TRIM9: variants seen among roughly 807,000 people sequenced by gnomAD.
TRIM9 encodes E3 ubiquitin-protein ligase TRIM9.
Under a neutral mutation model 78.3 loss-of-function variants are expected in TRIM9, and 26 were observed. That is an observed-to-expected ratio of 0.33 (90% CI 0.24 to 0.46). The LOEUF (loss-of-function observed/expected upper bound fraction) is 0.46. Ranked by LOEUF, TRIM9 falls within the 20% of genes least tolerant of loss-of-function variation. The probability of loss-of-function intolerance (pLI) is 1.00; values close to 1 mark genes in which losing one functional copy is unlikely to be tolerated. For synonymous variants in TRIM9, 398 were observed against 416.5 expected (o/e 0.96, Z 0.54); for missense variants, 787 against 1,036.4 (o/e 0.76, Z 3.30).
In TRIM9 at chr14:50,977,339, G is replaced by C; in HGVS notation, c.2340C>G (p.Thr780=). Residue 780 remains threonine, a synonymous_variant, in exon 13 of 13, where the codon ACC becomes ACG. Coordinates refer to ENST00000684578, the MANE Select transcript of TRIM9 (RefSeq NM_001387360.1). ...AGTAGAAGTCGGGGACTGGGAGCCC[G>C]GTGTGCAGCGTGACCTGGGGAATGA... ...LNRNVQVTLH[T]GLPVPDFYSS... The C allele has an allele frequency of 6.5e-7, 1 of 1,549,072 alleles. No individual in the cohort carries two copies. The highest frequency in any genetic ancestry group is 8.7e-7 in the Non-Finnish European group (1 of 1,144,718).
At chr14:51,050,186 T>C (rs1204369861) in intron 1 of TRIM9, among the ~76,000 whole-genome samples, 1 of 152,234 alleles carries the variant, frequency 6.6e-6, no homozygotes, top group Non-Finnish European at 1.5e-5. Context: ...TATTTATCCC[T>C]TTCCAAATGT....
At chr14:51,015,500 C>CTTTTTT (rs1365183081) in intron 3 of TRIM9, among the ~76,000 whole-genome samples, 1 of 103,476 alleles carries the variant, frequency 9.7e-6, no homozygotes, top group African/African-American at 4.0e-5. Context: ...TCTTTCTTTA[C>CTTTTTT]TTTTCTTTTT....
chr14:51,002,125 G>GTT (rs1044517183), intron 5 of TRIM9, among the ~76,000 whole-genome samples: 1 of 129,622 alleles, frequency 7.7e-6, no homozygotes, highest in Non-Finnish European at 1.6e-5. Flanking sequence ...GTGTGTGTGT[G>GTT]TTTTTCTTTT....
intron 1 of TRIM9, among the ~76,000 whole-genome samples, chr14:51,076,914 C>A (rs2062832554): frequency 6.6e-6 from 1 of 152,184 alleles, no homozygotes; most frequent in East Asian, 1.9e-4. Flanking sequence ...TTTTCCTGAC[C>A]CTATACTGCC....
Position 50,977,296 on chromosome 14 carries a change from C to T in TRIM9, c.2383G>A (p.Ala795Thr). 6.5e-7 allele frequency: 1 copy of T among 1,537,280 alleles called. No individual in the cohort carries two copies. Among genetic ancestry groups the T allele is most frequent in the Non-Finnish European group, 8.8e-7 (1 of 1,139,362 alleles). Reference protein sequence around the residue: ...PDFYSSRASIA With the variant: ...PDFYSSRASIT ...GGCGCCTCCACGGCACATCCTTAGGCTATTGATGCTCTGCTGGAGTAGAAG... is the reference window on the plus strand; with the variant it reads ...GGCGCCTCCACGGCACATCCTTAGGTTATTGATGCTCTGCTGGAGTAGAAG... Residue 795 changes from alanine (A) to threonine (T), a missense_variant, in exon 13 of 13, where the codon GCC becomes ACC. Physicochemically the swap from Ala to Thr is moderately conservative, Grantham distance 58 (BLOSUM62 0). Around this residue, in one of 3 missense-constraint regions of TRIM9, gnomAD observed 421 missense variants for 514.3 expected, o/e 0.82. Coordinates refer to ENST00000684578, the MANE Select transcript of TRIM9 (RefSeq NM_001387360.1).
chr14:51,093,994 C>G, intron 1 of TRIM9, 124 bp downstream of exon 1: 1 of 937,046 alleles, frequency 1.1e-6, no homozygotes, highest in Non-Finnish European at 1.6e-6. Context: ...GGGAGGTAAA[C>G]ATCGAAGGCA....
rs117464517 is a variant in TRIM9 at position 51,064,801 on chromosome 14, C to T, written c.822+29317G>A. 3.6e-4 allele frequency among the ~76,000 whole-genome samples: 55 copies of T among 152,012 alleles called. 1 individual carries two copies. In the East Asian group the frequency reaches 0.01, roughly 28 times the overall value. On this transcript the variant is annotated intron_variant, in intron 1 of 12. Transcript: ENST00000684578. ...TTCAATATAATGAACCAAATGGAGA[C>T]AAGAAGCAATATAACTTCTGAATAT...
chr14:51,024,350 C>G (rs2058033717), intron 2 of TRIM9, among the ~76,000 whole-genome samples: 1 of 151,900 alleles, frequency 6.6e-6, no homozygotes, highest in South Asian at 2.1e-4. Flanking sequence ...GTTAGGGAAT[C>G]AAAAGTTTAA....
rs201128574 is a variant in TRIM9, at chr14:50,977,324, G to A, written c.2355C>T (p.Pro785=). ...TTGATGCTCTGCTGGAGTAGAAGTC[G>A]GGGACTGGGAGCCCGGTGTGCAGCG... ...QVTLHTGLPV[P]DFYSSRASIA is the part of the protein sequence containing the mutation. The change falls in exon 13 of 13, where the codon CCC becomes CCT. Residue 785 remains proline, a synonymous_variant. Coordinates refer to ENST00000684578, the MANE Select transcript of TRIM9 (RefSeq NM_001387360.1). 19 of 1,548,448 alleles carry A rather than the reference G, an allele frequency of 1.2e-5. No individual in the cohort carries two copies. Among genetic ancestry groups the A allele is most frequent in the Admixed American group, 3.8e-5 (2 of 53,118 alleles).
rs764833081 is a variant in TRIM9, at chr14:51,094,231, G to A, written c.709C>T (p.His237Tyr). The change falls in exon 1 of 13, where the codon CAC (histidine) becomes TAC (tyrosine). Residue 237 changes from histidine (H) to tyrosine (Y), a missense_variant. His to Tyr is a moderately conservative substitution (Grantham distance 83, BLOSUM62 2). This residue lies in a region of TRIM9 where 352 missense variants were observed against 472.3 expected (regional missense o/e 0.75). Coordinates refer to ENST00000684578, the MANE Select transcript of TRIM9 (RefSeq NM_001387360.1). ...STCTDHELEN[H>Y]SMYCVQCKMP... Reference sequence around the variant, plus strand: ...TTGCATTGCACGCAGTACATGCTGTGGTTCTCCAGCTCGTGGTCTGTGCAG... The same window carrying A: ...TTGCATTGCACGCAGTACATGCTGTAGTTCTCCAGCTCGTGGTCTGTGCAG... 2 of 1,614,244 alleles carry A rather than the reference G, an allele frequency of 1.2e-6. No individual in the cohort carries two copies. Among genetic ancestry groups the A allele is most frequent in the Middle Eastern group, 1.6e-4 (1 of 6,062 alleles).
chr14:50,984,169 C>T (rs2052393096), intron 8 of TRIM9, among the ~76,000 whole-genome samples: 1 of 152,128 alleles, frequency 6.6e-6, no homozygotes, highest in South Asian at 2.1e-4. Flanking sequence ...AAGTGTGTGA[C>T]CTACAATTTC....
At chr14:51,071,859 C>T (rs2062299743) in intron 1 of TRIM9, among the ~76,000 whole-genome samples, 2 of 152,046 alleles carry the variant, frequency 1.3e-5, no homozygotes, top group African/African-American at 4.8e-5. Context: ...GTATTTGGGT[C>T]ACACCTGGAG....
intron 1 of TRIM9, among the ~76,000 whole-genome samples, chr14:51,028,816 C>T (rs1290803140): frequency 6.6e-6 from 1 of 152,102 alleles, no homozygotes; most frequent in Non-Finnish European, 1.5e-5. Context: ...CTGAGAATCA[C>T]CGAGGTCTCC....
At chr14:50,981,738 G>C (rs1157660621) in intron 11 of TRIM9, 62 bp downstream of exon 11, 2 of 1,594,588 alleles carry the variant, frequency 1.3e-6, no homozygotes, top group Non-Finnish European at 1.7e-6. Flanking sequence ...TTTTGAACTG[G>C]GGCTCTCACT....
chr14:50,985,696 T>C (rs887488664), intron 8 of TRIM9, among the ~76,000 whole-genome samples: 3 of 152,200 alleles, frequency 2.0e-5, no homozygotes, highest in African/African-American at 7.2e-5. Flanking sequence ...TACCAGCTTG[T>C]GCGAAAAGAA....
rs1452101392 is a variant in TRIM9, at chr14:50,998,928, T to C, written c.1465-740A>G. On this transcript the variant is annotated intron_variant, in intron 6 of 12. Transcript: ENST00000684578. ...CAAAGCACAGCCTTAATATGACAAC[T>C]CTCTGGTAGGATACTAAGAAGACCA... is the stretch of plus-strand genomic sequence containing the variant. Among the ~76,000 whole-genome samples the C allele has an allele frequency of 2.0e-5, 3 of 152,200 alleles. No homozygotes were observed. In the East Asian group the frequency reaches 5.8e-4, roughly 29 times the overall value.
rs527389071 is a variant in TRIM9, at chr14:51,018,663, C to T, written c.1041+4172G>A. On this transcript the variant is annotated intron_variant, in intron 3 of 12. Coordinates refer to ENST00000684578, the MANE Select transcript of TRIM9 (RefSeq NM_001387360.1). ...TCTACAGATAGCTACAATGGGCACA[C>T]GGAGGCCCTCAGTAAATATTAATAT... 7.5e-4 allele frequency among the ~76,000 whole-genome samples: 114 copies of T among 152,260 alleles called. 1 individual carries two copies. Among genetic ancestry groups the T allele is most frequent in the Non-Finnish European group, 2.6e-4 (18 of 68,022 alleles).
intron 6 of TRIM9, 148 bp downstream of exon 6, chr14:51,000,535 A>G: frequency 9.6e-7 from 1 of 1,040,418 alleles, no homozygotes; most frequent in Non-Finnish European, 1.4e-6. Context: ...AGAGGGAGAA[A>G]GCAGGCTTCA....
chr14:51,087,136 A>G (rs1238393239), intron 1 of TRIM9, among the ~76,000 whole-genome samples: 2 of 151,904 alleles, frequency 1.3e-5, no homozygotes, highest in Admixed American at 6.6e-5. Context: ...ACTCATCTCA[A>G]CTGGGTGTGG....
Sources: gnomAD v4.1 joint callset for allele counts (sites outside exome capture counted in the v4.1 genomes callset) on GRCh38, gnomAD v4.1.1 for gene constraint, gnomAD v4.1.1 regional missense constraint, MANE v1.5 for transcripts, NCBI Gene and HGNC (gene_info 2026-07-23, HGNC 2026-07-21) for gene names.